Variants in RABGAP1 observed in about 807,000 individuals in gnomAD.
RABGAP1 encodes rab GTPase-activating protein 1.
Under a neutral mutation model 137.6 loss-of-function variants are expected in RABGAP1, and 23 were observed. The observed-to-expected ratio is 0.17, with a 90% confidence interval of 0.12 to 0.24. The LOEUF (loss-of-function observed/expected upper bound fraction) is 0.24. Ranked by LOEUF, RABGAP1 falls within the 10% of genes least tolerant of loss-of-function variation. RABGAP1 has a pLI of 1.00. For missense variants in RABGAP1, 906 were observed against 1,275.8 expected (o/e 0.71, Z 4.42); for synonymous variants, 451 against 450.7 (o/e 1.00, Z -0.01).
chr9:123,010,242 A>C, intron 10 of RABGAP1, 112 bp from the exon 11 acceptor site: 1 of 899,716 alleles, frequency 1.1e-6, no homozygotes, highest in Non-Finnish European at 1.6e-6. Flanking sequence ...TGAAATCAGA[A>C]GTGATTGCAG....
At chr9:122,989,900 G>T in intron 5 of RABGAP1, 156 bp from the exon 6 acceptor site, 1 of 795,642 alleles carries the variant, frequency 1.3e-6, no homozygotes, top group Non-Finnish European at 1.9e-6. Context: ...TTTTAGTGTT[G>T]CTTGCTTTAT....
At chr9:122,982,151 G>A (rs768798519) in intron 2 of RABGAP1, among the ~76,000 whole-genome samples, 5 of 151,954 alleles carry the variant, frequency 3.3e-5, no homozygotes, top group African/African-American at 1.2e-4. Context: ...GTTGAGTATT[G>A]TATTTGATAA....
chr9:122,966,370 C>G (rs976920897), intron 2 of RABGAP1, among the ~76,000 whole-genome samples: 1 of 151,712 alleles, frequency 6.6e-6, no homozygotes. Flanking sequence ...ACCAAAAATA[C>G]AAAATTAGCC....
Position 123,098,770 on chromosome 9 carries a change from A to C in RABGAP1, c.2789A>C (p.Asn930Thr), listed in dbSNP as rs1315899254. The change falls in exon 23 of 26, where the codon AAC becomes ACC. Residue 930 changes from asparagine to threonine, a missense_variant. Physicochemically the swap from Asn to Thr is moderately conservative, Grantham distance 65. Coordinates refer to ENST00000373647, the MANE Select transcript of RABGAP1 (RefSeq NM_012197.4). ...AAGGCAGAATCTGAGATTAAAAAAA[A>C]CAGTTCTATCATTGGTGACTATAAG... ...LDKAESEIKK[N>T]SSIIGDYKQI... The C allele has an allele frequency of 2.5e-6, 4 of 1,613,886 alleles. No homozygotes were observed. The East Asian group carries it at 8.9e-5, about 36-fold the overall frequency.
rs754834779 is a variant in RABGAP1, at chr9:123,010,498, C to A, written c.1519C>A (p.Pro507Thr). Reference sequence around the variant, plus strand: ...GTCTGGATCGCAAAGTTCAGTGATACCTTCTCCTCCAGAAGATGATGAAGA... The same window carrying A: ...GTCTGGATCGCAAAGTTCAGTGATAACTTCTCCTCCAGAAGATGATGAAGA... ...PQSGSQSSVIPSPPEDDEEED... is the reference protein window; with the variant it reads ...PQSGSQSSVITSPPEDDEEED... Residue 507 changes from proline to threonine, a missense_variant, in exon 11 of 26, where the codon CCT (proline) becomes ACT (threonine). This residue lies in a region of RABGAP1 where 212 missense variants were observed against 289.4 expected (regional missense o/e 0.73). Coordinates refer to ENST00000373647, the MANE Select transcript of RABGAP1 (RefSeq NM_012197.4). The A allele has an allele frequency of 1.9e-6, 3 of 1,613,680 alleles. No individual in the cohort carries two copies. The highest frequency in any genetic ancestry group is 3.3e-5 in the Admixed American group (2 of 60,000).
At chr9:123,090,547 G>A (rs2035004312) in intron 21 of RABGAP1, among the ~76,000 whole-genome samples, 162 bp downstream of exon 21, 1 of 152,148 alleles carries the variant, frequency 6.6e-6, no homozygotes, top group Admixed American at 6.5e-5. Flanking sequence ...TTTCCTTCAG[G>A]AATTATCTGT....
intron 10 of RABGAP1, among the ~76,000 whole-genome samples, chr9:123,003,001 G>C (rs1837415321): frequency 6.6e-6 from 1 of 152,186 alleles, no homozygotes; most frequent in South Asian, 2.1e-4. Context: ...CTTTGTGTTT[G>C]TGCGGGGATT....
At chr9:122,997,449 G>A in intron 9 of RABGAP1, 88 bp downstream of exon 9, 1 of 814,294 alleles carries the variant, frequency 1.2e-6, no homozygotes, top group Non-Finnish European at 1.8e-6. Flanking sequence ...CCAATATCCA[G>A]TGTTTACCTA....
At chr9:123,056,688 G>T (rs931555649) in intron 13 of RABGAP1, among the ~76,000 whole-genome samples, 1 of 151,812 alleles carries the variant, frequency 6.6e-6, no homozygotes, top group Non-Finnish European at 1.5e-5. Flanking sequence ...GACTCTTAAC[G>T]AGCATGCTGC....
Position 123,104,119 on chromosome 9 carries a change from AG to A in RABGAP1, c.*908del, listed in dbSNP as rs1264517679. The stretch of plus-strand genomic sequence containing the variant: ...TTATTCGAGCACTTAATTTCACTCA[AG>A]GTTCATTGGGCTCTGCTCTCCTCCC... On this transcript the variant is annotated 3_prime_UTR_variant, in exon 26 of 26. Transcript: ENST00000373647. The A allele has an allele frequency of 6.6e-6, 1 of 152,524 alleles. No homozygotes were observed. Among genetic ancestry groups the A allele is most frequent in the Non-Finnish European group, 1.5e-5 (1 of 68,034 alleles). 9.4% of individuals were successfully genotyped at this position (152,524 alleles called of 1,614,324 possible).
intron 24 of RABGAP1, 38 bp downstream of exon 24, chr9:123,099,587 T>C: frequency 6.5e-7 from 1 of 1,528,880 alleles, no homozygotes; most frequent in Non-Finnish European, 9.1e-7. Context: ...TTATACCACC[T>C]ACTTCATTTT....
intron 4 of RABGAP1, among the ~76,000 whole-genome samples, chr9:122,988,573 T>C (rs1222546464): frequency 6.6e-6 from 1 of 152,100 alleles, no homozygotes; most frequent in Non-Finnish European, 1.5e-5. Flanking sequence ...AAAAAACTTG[T>C]TTCAGTCTGA....
At chr9:123,052,891 G>C (rs955381676) in intron 13 of RABGAP1, among the ~76,000 whole-genome samples, 1 of 152,252 alleles carries the variant, frequency 6.6e-6, no homozygotes, top group African/African-American at 2.4e-5. Flanking sequence ...AGTGAGCCAA[G>C]ATCACGCCAC....
chr9:122,942,036 A>G (rs1302296698), intron 1 of RABGAP1, among the ~76,000 whole-genome samples: 2 of 152,230 alleles, frequency 1.3e-5, no homozygotes, highest in Non-Finnish European at 2.9e-5. Flanking sequence ...TTGTCAGGGA[A>G]AAAAACCTGT....
chr9:122,938,280 T>C (rs1833422099), upstream of RABGAP1: 1 of 152,186 alleles, frequency 6.6e-6, no homozygotes, highest in South Asian at 2.1e-4. Context: ...AATCTAATAT[T>C]GTCACTGTCC....
At position 122,941,081 on chromosome 9, in the gene RABGAP1, G is replaced by C. The variant is rs1833521819; in HGVS notation, c.-62G>C. ...GCGAGCGGCGGGCGGCGGAGGAGGA[G>C]ACGGCAGGTCGGGTAGGGCCGTGTT... On this transcript the variant is annotated 5_prime_UTR_variant, in exon 1 of 26. Transcript: ENST00000373647. 1 of 153,192 alleles carries C rather than the reference G, an allele frequency of 6.5e-6. No homozygotes were observed. The highest frequency in any genetic ancestry group is 6.5e-5 in the Admixed American group (1 of 15,296). The allele number at this position is 153,192 out of a possible 1,614,324, so 9.5% of individuals were successfully genotyped here.
At chr9:123,029,594 G>A in intron 13 of RABGAP1, 2 of 746,914 alleles carry the variant, frequency 2.7e-6, no homozygotes, top group South Asian at 1.3e-5. Context: ...TTTGTCATAT[G>A]TAGCTTTGTC....
intron 10 of RABGAP1, among the ~76,000 whole-genome samples, chr9:123,008,082 C>T (rs1459743196): frequency 6.6e-6 from 1 of 151,748 alleles, no homozygotes; most frequent in Non-Finnish European, 1.5e-5. Context: ...TATAACGAAT[C>T]CCCATGTACT....
In RABGAP1 at chr9:122,941,364, G is replaced by A. The variant is rs556490060; in HGVS notation, c.-50+271G>A. On this transcript the variant is annotated intron_variant, in intron 1 of 25. Coordinates refer to ENST00000373647, the MANE Select transcript of RABGAP1 (RefSeq NM_012197.4). ...ACCGGTTCCCCCTGTCTGTGTGGGT[G>A]CCGGTCTTCTGAGTCTTGCGTTTTT... 1.9e-3 allele frequency among the ~76,000 whole-genome samples: 297 copies of A among 152,342 alleles called. 2 individuals are homozygous for A. The highest frequency in any genetic ancestry group is 4.6e-3 in the South Asian group (22 of 4,830).
Sources: gnomAD v4.1 joint callset for allele counts (sites outside exome capture counted in the v4.1 genomes callset) on GRCh38, gnomAD v4.1.1 for gene constraint, gnomAD v4.1.1 regional missense constraint, MANE v1.5 for transcripts, NCBI Gene and HGNC (gene_info 2026-07-23, HGNC 2026-07-21) for gene names.